Variants in ZNF469 observed in about 807,000 individuals in gnomAD.
ZNF469 encodes zinc finger protein 469.
A neutral mutation model predicts 1.0 loss-of-function variants in ZNF469; 1 was observed. The observed-to-expected ratio is 1.00, with a 90% CI of 0.35 to 4.73. ZNF469 has a LOEUF of 4.73. ZNF469 is among the 30% of genes most tolerant of loss of function. The pLI is 0.16. For missense variants in ZNF469, 6,100 were observed against 5,356.3 expected, an observed-to-expected ratio of 1.14 and a Z score of -4.33; for synonymous variants, 2,703 against 2,363.4, an observed-to-expected ratio of 1.14 and a Z score of -4.17.
At chr16:88,122,952 C>T in the ZNF469 span, among the ~76,000 whole-genome samples, 1 of 151,870 alleles carries the variant, frequency 6.6e-6, no homozygotes, top group African/African-American at 2.4e-5. Context: ...AAGTGATCCT[C>T]CAGAATAGCT....
the ZNF469 span, among the ~76,000 whole-genome samples, chr16:88,133,389 C>T: frequency 6.6e-6 from 1 of 152,244 alleles, no homozygotes; most frequent in Non-Finnish European, 1.5e-5. Flanking sequence ...TGTCAAGCAG[C>T]CCCTGGGGCC....
the ZNF469 span, among the ~76,000 whole-genome samples, chr16:88,358,365 C>G: frequency 1.3e-5 from 2 of 152,156 alleles, no homozygotes; most frequent in African/African-American, 4.8e-5. Context: ...TGTCATGATG[C>G]GAGACCTCTG....
At chr16:88,169,893 A>G in the ZNF469 span, among the ~76,000 whole-genome samples, 1 of 152,122 alleles carries the variant, frequency 6.6e-6, no homozygotes, top group Non-Finnish European at 1.5e-5. This position sits in a 1 kb window ranked among gnomAD's most constrained non-coding sequence, Gnocchi z 6.1. Context: ...CGGCCCTGCC[A>G]GTGGGGTGCA....
rs1353494182 is a variant in ZNF469 at position 88,433,515 on chromosome 16, C to T, written c.6045C>T (p.His2015=). ...NGVSPGGTDN[H]ASVNASPKTA... is the part of the protein sequence containing the mutation. ...TGAGCCCAGGGGGCACGGACAACCA[C>T]GCCTCAGTCAATGCCAGTCCCAAAA... Residue 2015 remains histidine (H), a synonymous_variant, in exon 3 of 3, where the codon CAC becomes CAT. Coordinates refer to ENST00000565624, the MANE Select transcript of ZNF469 (RefSeq NM_001367624.2). The T allele has an allele frequency of 7.1e-6, 11 of 1,550,174 alleles. No individual in the cohort carries two copies. Among genetic ancestry groups the T allele is most frequent in the East Asian group, 2.4e-5 (1 of 40,928 alleles).
At chr16:88,268,845 C>G in the ZNF469 span, among the ~76,000 whole-genome samples, 2 of 152,306 alleles carry the variant, frequency 1.3e-5, no homozygotes, top group Admixed American at 1.3e-4. Context: ...TGCAGCCCGG[C>G]CCCCATGAGC....
intron 1 of ZNF469, among the ~76,000 whole-genome samples, chr16:88,420,156 G>A (rs940576474): frequency 2.6e-5 from 4 of 152,342 alleles, no homozygotes; most frequent in African/African-American, 7.2e-5. Context: ...CAGTTCTCCC[G>A]CAGCTCCCCC....
the ZNF469 span, among the ~76,000 whole-genome samples, chr16:88,153,139 C>T: frequency 6.6e-6 from 1 of 152,204 alleles, no homozygotes; most frequent in Non-Finnish European, 1.5e-5. Context: ...GTGCCCAGCA[C>T]AGGCTGGACA....
chr16:88,296,683 T>C, the ZNF469 span, among the ~76,000 whole-genome samples: 4 of 151,596 alleles, frequency 2.6e-5, no homozygotes, highest in African/African-American at 9.7e-5. Context: ...TGCACACTCG[T>C]GCACACTCAC....
chr16:88,354,739 A>C, the ZNF469 span, among the ~76,000 whole-genome samples: 1 of 152,170 alleles, frequency 6.6e-6, no homozygotes, highest in Non-Finnish European at 1.5e-5. Flanking sequence ...CAAGCGGACC[A>C]GGCTCCCAAG....
intron 1 of ZNF469, among the ~76,000 whole-genome samples, chr16:88,401,769 G>A (rs1904877689): frequency 6.6e-6 from 1 of 151,704 alleles, no homozygotes; most frequent in African/African-American, 2.4e-5. Flanking sequence ...ATGGGTAGAT[G>A]GATGGATGCA....
chr16:88,246,924 T>G, the ZNF469 span, among the ~76,000 whole-genome samples: 1 of 148,692 alleles, frequency 6.7e-6, no homozygotes, highest in Non-Finnish European at 1.5e-5. Flanking sequence ...AGTGAAGGAG[T>G]GAGTGAGTGA....
At chr16:88,405,290 C>G (rs1213693434) in intron 1 of ZNF469, among the ~76,000 whole-genome samples, 2 of 152,128 alleles carry the variant, frequency 1.3e-5, no homozygotes, top group Non-Finnish European at 2.9e-5. Flanking sequence ...CACGGGTAGC[C>G]CCTGGGCTAC....
the ZNF469 span, among the ~76,000 whole-genome samples, chr16:88,245,911 G>C: frequency 2.0e-5 from 3 of 152,288 alleles, no homozygotes; most frequent in Non-Finnish European, 4.4e-5. Flanking sequence ...ACTGGGGCTG[G>C]AGCAGTACAT....
In ZNF469 at chr16:88,434,738, C is replaced by T. The variant is rs1246649952; in HGVS notation, c.7268C>T (p.Pro2423Leu). Residue 2423 changes from proline (P) to leucine (L), a missense_variant, in exon 3 of 3, where the codon CCC becomes CTC. Physicochemically the swap from Pro to Leu is moderately conservative, Grantham distance 98 (BLOSUM62 -3). Coordinates refer to ENST00000565624, the MANE Select transcript of ZNF469 (RefSeq NM_001367624.2). ...STASDFQSDS[P>L]QSHRNASHQT... is the part of the protein sequence containing the mutation. ...GCCAGTGACTTCCAGTCTGACTCCC[C>T]CCAAAGCCACAGAAATGCCTCCCAC... The T allele has an allele frequency of 1.3e-6, 2 of 1,550,292 alleles. No homozygotes were observed. Among genetic ancestry groups the T allele is most frequent in the Admixed American group, 2.0e-5 (1 of 50,990 alleles).
chr16:88,323,884 G>C, the ZNF469 span, among the ~76,000 whole-genome samples: 2 of 152,252 alleles, frequency 1.3e-5, no homozygotes, highest in South Asian at 4.1e-4. Context: ...GGGAGACTCG[G>C]AGGAGGCACG....
chr16:88,231,985 TC>T, the ZNF469 span, among the ~76,000 whole-genome samples: 1 of 152,010 alleles, frequency 6.6e-6, no homozygotes, highest in Admixed American at 6.6e-5. This position sits in a 1 kb window ranked among gnomAD's most constrained non-coding sequence, Gnocchi z 4.5. Flanking sequence ...GGCCCCAATC[TC>T]CCTGCTGCCA....
chr16:88,298,351 G>C, the ZNF469 span, among the ~76,000 whole-genome samples: 1 of 152,182 alleles, frequency 6.6e-6, no homozygotes, highest in Non-Finnish European at 1.5e-5. Context: ...TGTGCACAAG[G>C]GAGTCTCCGG....
chr16:88,410,339 A>T (rs1905118723), intron 1 of ZNF469, among the ~76,000 whole-genome samples: 1 of 151,258 alleles, frequency 6.6e-6, no homozygotes, highest in Non-Finnish European at 1.5e-5. Flanking sequence ...GTTCACAGTA[A>T]CGTCTATGAT....
the ZNF469 span, among the ~76,000 whole-genome samples, chr16:88,328,150 C>T: frequency 1.3e-5 from 2 of 152,254 alleles, no homozygotes; most frequent in Non-Finnish European, 2.9e-5. Context: ...GCTGCCGAGT[C>T]TGTGCTTCTC....
Sources: gnomAD v4.1 joint callset for allele counts (sites outside exome capture counted in the v4.1 genomes callset) on GRCh38, gnomAD v4.1.1 for gene constraint, Gnocchi (gnomAD v3.1) non-coding constraint, MANE v1.5 for transcripts, NCBI Gene and HGNC (gene_info 2026-07-23, HGNC 2026-07-21) for gene names.